Variants in CYP2B6 observed in about 807,000 individuals in gnomAD.
CYP2B6 encodes cytochrome P450 2B6.
CYP2B6 carries 35 observed loss-of-function variants against 43.4 expected under a neutral mutation model. The ratio of observed to expected loss-of-function variants is 0.81; its 90% CI spans 0.62 to 1.07. The LOEUF (loss-of-function observed/expected upper bound fraction) is 1.07. CYP2B6 is among the 50% of genes least tolerant of loss of function. CYP2B6 has a pLI of 0.00. For missense variants in CYP2B6, 624 were observed against 632.8 expected, an observed-to-expected ratio of 0.99 and a Z score of 0.15; for synonymous variants, 239 against 239.2, an observed-to-expected ratio of 1.00 and a Z score of 0.01.
At position 41,006,996 on chromosome 19, in the gene CYP2B6, T is replaced by A. The variant is rs767612288; in HGVS notation, c.576T>A (p.Asp192Glu). 92 of 1,613,910 alleles carry A rather than the reference T, an allele frequency of 5.7e-5. No homozygotes were observed. Among genetic ancestry groups the A allele is most frequent in the Non-Finnish European group, 7.7e-5 (91 of 1,180,016 alleles). The change falls in exon 4 of 9, where the codon GAT (aspartate) becomes GAA (glutamate). Residue 192 changes from aspartate (D) to glutamate (E), a missense_variant. Physicochemically the swap from Asp to Glu is conservative, Grantham distance 45. Transcript: ENST00000324071. ...IVFGKRFHYQ[D>E]QEFLKMLNLF... is the part of the protein sequence containing the mutation. ...TTGGAAAACGATTCCACTACCAAGA[T>A]CAAGAGTTCCTGAAGATGCTGAACT... is the stretch of plus-strand genomic sequence containing the variant.
intron 8 of CYP2B6, chr19:41,013,160 A>G: frequency 3.5e-6 from 1 of 287,302 alleles, no homozygotes; most frequent in Middle Eastern, 1.2e-3. Flanking sequence ...TCACACAGAG[A>G]CAGGGTTCCT....
rs1969195216 is a variant in CYP2B6, at chr19:41,006,849, G to C, written c.485-56G>C. On this transcript the variant is annotated intron_variant, in intron 3 of 8. Transcript: ENST00000324071. ...GACAATCACACAGAGATAGGTGACA[G>C]CCTGATGTTCCCCAGGCACTTCAGT... The C allele has an allele frequency of 6.5e-6, 10 of 1,543,334 alleles. No individual in the cohort carries two copies. In the East Asian group the frequency reaches 2.3e-4, roughly 35 times the overall value.
chr19:41,007,577 C>T (rs976268901), intron 4 of CYP2B6: 1 of 159,798 alleles, frequency 6.3e-6, no homozygotes, highest in Non-Finnish European at 1.4e-5. Context: ...CCTGCCTCAG[C>T]CTCCCAAGTA....
chr19:41,013,815 C>T (rs561391023), intron 8 of CYP2B6, among the ~76,000 whole-genome samples: 12 of 152,160 alleles, frequency 7.9e-5, no homozygotes, highest in Non-Finnish European at 1.2e-4. Context: ...GCACAAGGAA[C>T]CAGTAAAGGT....
Position 40,992,333 on chromosome 19 carries a change from A to C in CYP2B6, c.171+857A>C, listed in dbSNP as rs1260205422. Among the ~76,000 whole-genome samples the C allele has an allele frequency of 1.1e-4, 16 of 152,162 alleles. No homozygotes were observed. In the South Asian group the frequency reaches 3.1e-3, roughly 30 times the overall value. ...GGTCAGCCTCAAAATTTTGAGATTG[A>C]CCAAAACCTTGGGCATCAACATTAC... is the stretch of plus-strand genomic sequence containing the variant. On this transcript the variant is annotated intron_variant, in intron 1 of 8. Transcript: ENST00000324071.
intron 6 of CYP2B6, among the ~76,000 whole-genome samples, chr19:41,010,969 A>G (rs1372949707): frequency 6.6e-6 from 1 of 152,184 alleles, no homozygotes; most frequent in Non-Finnish European, 1.5e-5. Context: ...TTAATTCATT[A>G]ATTAAAGAAT....
At chr19:40,999,490 C>T (rs1217143560) in intron 1 of CYP2B6, among the ~76,000 whole-genome samples, 3 of 152,038 alleles carry the variant, frequency 2.0e-5, no homozygotes, top group East Asian at 1.9e-4. Flanking sequence ...ACATGAAGTC[C>T]TTGCCCATGC....
intron 3 of CYP2B6, among the ~76,000 whole-genome samples, chr19:41,005,954 G>A (rs926410987): frequency 2.6e-5 from 4 of 152,052 alleles, no homozygotes; most frequent in Non-Finnish European, 4.4e-5. Flanking sequence ...ACAGGCAAGT[G>A]AGAACCAGAG....
At chr19:40,991,727 C>T (rs1277555806) in intron 1 of CYP2B6, among the ~76,000 whole-genome samples, 1 of 152,010 alleles carries the variant, frequency 6.6e-6, no homozygotes, top group African/African-American at 2.4e-5. Context: ...GGAAAGACAC[C>T]ACACGGCAGT....
At chr19:41,005,013 C>G (rs1969154524) in intron 3 of CYP2B6, among the ~76,000 whole-genome samples, 2 of 151,960 alleles carry the variant, frequency 1.3e-5, no homozygotes. Context: ...ACAAACAAAC[C>G]CTCAAAGACA....
At chr19:41,012,574 T>C (rs1969302221) in intron 7 of CYP2B6, 89 bp downstream of exon 7, 1 of 1,609,518 alleles carries the variant, frequency 6.2e-7, no homozygotes. Flanking sequence ...AGCTCCTTAA[T>C]TGAGTCCCGT....
At chr19:40,991,895 A>G (rs1968924792) in intron 1 of CYP2B6, among the ~76,000 whole-genome samples, 1 of 152,056 alleles carries the variant, frequency 6.6e-6, no homozygotes, top group Non-Finnish European at 1.5e-5. Context: ...ACACTTGGCT[A>G]CTTGTCACAA....
In CYP2B6 at chr19:41,012,378, A is replaced by G; in HGVS notation, c.1045A>G (p.Thr349Ala). The change falls in exon 7 of 9, where the codon ACA becomes GCA. Residue 349 changes from threonine to alanine, a missense_variant. By Grantham distance (58) the Thr-to-Ala change is moderately conservative (BLOSUM62 0). Transcript: ENST00000324071. ...TCATGACCGAGCCAAAATGCCATAC[A>G]CAGAGGCAGTCATCTATGAGATTCA... ...ELHDRAKMPY[T>A]EAVIYEIQRF... The G allele has an allele frequency of 6.2e-7, 1 of 1,614,138 alleles. No homozygotes were observed. Among genetic ancestry groups the G allele is most frequent in the Non-Finnish European group, 8.5e-7 (1 of 1,180,020 alleles).
At chr19:41,007,091 G>A in intron 4 of CYP2B6, 26 bp downstream of exon 4, 1 of 1,613,316 alleles carries the variant, frequency 6.2e-7, no homozygotes, top group Non-Finnish European at 8.5e-7. Flanking sequence ...AGGGACAGGG[G>A]GTGTGGGGGT....
At position 41,018,158 on chromosome 19, in the gene CYP2B6, T is replaced by A. The variant is rs3211397; in HGVS notation, c.*1331T>A. On this transcript the variant is annotated 3_prime_UTR_variant, in exon 9 of 9. Transcript: ENST00000324071. ...GATCTTTTGTGTCTGGTTGCTTTCA[T>A]GTTGAATGCTATTTTTGAGGTTCAT... 6.6e-6 allele frequency: 1 copy of A among 152,246 alleles called. No homozygotes were observed. The highest frequency in any genetic ancestry group is 1.9e-4 in the East Asian group (1 of 5,192). 9.4% of individuals were successfully genotyped at this position (152,246 alleles called of 1,614,324 possible). A position where few individuals can be genotyped will look rare whatever the true frequency, so the allele number is the denominator to read the frequency against.
At position 41,001,366 on chromosome 19, in the gene CYP2B6, T is replaced by C. The variant is rs543640448; in HGVS notation, c.172-2635T>C. 1.3e-4 allele frequency among the ~76,000 whole-genome samples: 20 copies of C among 152,242 alleles called. 1 individual carries two copies. Among genetic ancestry groups the C allele is most frequent in the African/African-American group, 4.6e-4 (19 of 41,498 alleles). On this transcript the variant is annotated intron_variant, in intron 1 of 8. Transcript: ENST00000324071. The stretch of plus-strand genomic sequence containing the variant: ...TCTAGGTATTCACGACCATCTATTA[T>C]GATTGCATCTCTTGGGGGTGGGGTA...
intron 8 of CYP2B6, chr19:41,013,134 T>C (rs916785740): frequency 5.7e-5 from 19 of 335,240 alleles, no homozygotes; most frequent in African/African-American, 3.0e-4. Context: ...GGGCTGAAGA[T>C]AATGCATCAA....
intron 1 of CYP2B6, among the ~76,000 whole-genome samples, chr19:40,995,852 G>T (rs748274144): frequency 6.6e-6 from 1 of 152,070 alleles, no homozygotes; most frequent in Non-Finnish European, 1.5e-5. Context: ...ACCAAAAAAG[G>T]TTCAGGAGAG....
chr19:41,005,705 T>A (rs1330210748), intron 3 of CYP2B6, among the ~76,000 whole-genome samples: 1 of 151,844 alleles, frequency 6.6e-6, no homozygotes, highest in African/African-American at 2.4e-5. Context: ...TGATTGAGCC[T>A]GGGAAATGGA....
Sources: allele counts gnomAD v4.1 joint callset (sites outside exome capture counted in the v4.1 genomes callset), GRCh38; gene constraint gnomAD v4.1.1; transcripts MANE v1.5; gene names NCBI Gene and HGNC (gene_info 2026-07-23, HGNC 2026-07-21).